The following SAMSN1 variants were observed in gnomAD, a reference collection of about 807,000 sequenced individuals.
SAMSN1 encodes the protein SAM domain-containing protein SAMSN-1.
In SAMSN1, 31 loss-of-function variants were observed where a neutral mutation model predicts 42.0. The ratio of observed to expected loss-of-function variants is 0.74; its 90% CI spans 0.55 to 1.00. The LOEUF is 1.00. Ranked by LOEUF, SAMSN1 falls within the 50% of genes least tolerant of loss-of-function variation. SAMSN1 has a pLI of 0.00. For synonymous variants in SAMSN1, 178 were observed against 151.9 expected, an observed-to-expected ratio of 1.17 and a Z score of -1.26; for missense variants, 464 against 439.4, an observed-to-expected ratio of 1.06 and a Z score of -0.50.
chr21:14,620,438 T>C (rs1353218678), intron 2 of SAMSN1, among the ~76,000 whole-genome samples: 1 of 152,196 alleles, frequency 6.6e-6, no homozygotes, highest in Middle Eastern at 3.2e-3. Flanking sequence ...TGACTGTAAG[T>C]TTCCTGAGGC....
intron 1 of SAMSN1, among the ~76,000 whole-genome samples, chr21:14,537,877 A>G (rs998773537): frequency 6.6e-6 from 1 of 152,216 alleles, no homozygotes; most frequent in African/African-American, 2.4e-5. Flanking sequence ...GCACATGGCT[A>G]ACAAGCTCCT....
chr21:14,650,267 C>T (rs917859735), intron 1 of SAMSN1, among the ~76,000 whole-genome samples: 1 of 152,068 alleles, frequency 6.6e-6, no homozygotes, highest in Non-Finnish European at 1.5e-5. Context: ...GTGGATCATT[C>T]TCAAGAATAC....
At chr21:14,640,156 G>A (rs1983558794) in intron 2 of SAMSN1, among the ~76,000 whole-genome samples, 1 of 152,194 alleles carries the variant, frequency 6.6e-6, no homozygotes, top group Non-Finnish European at 1.5e-5. Flanking sequence ...TCCAAAGGGT[G>A]AAATTCCTAG....
rs74710403 is a variant in SAMSN1, at chr21:14,570,190, G to T, written c.261+11946C>A. Among the ~76,000 whole-genome samples, 786 of 152,184 alleles carry T rather than the reference G, an allele frequency of 5.2e-3. 4 individuals are homozygous for T. Among genetic ancestry groups the T allele is most frequent in the African/African-American group, 0.018 (753 of 41,536 alleles). Reference sequence around the variant, plus strand: ...CAAATCCATTAAATCTCTCCACAGGGAGGAAAAAGTTCCCGCATTCTAGAG... The same window carrying T: ...CAAATCCATTAAATCTCTCCACAGGTAGGAAAAAGTTCCCGCATTCTAGAG... On this transcript the variant is annotated intron_variant, in intron 2 of 8. Transcript: ENST00000285670.
At chr21:14,522,671 A>G (rs557948669) in intron 1 of SAMSN1, among the ~76,000 whole-genome samples, 1 of 152,340 alleles carries the variant, frequency 6.6e-6, no homozygotes, top group East Asian at 1.9e-4. Flanking sequence ...CATCACAAAA[A>G]CATCATCAAA....
At chr21:14,494,814 T>A (rs405792) in intron 7 of SAMSN1, among the ~76,000 whole-genome samples, 51,510 of 152,092 alleles carry the variant, frequency 0.34, 9,692 homozygotes, top group Non-Finnish European at 0.45. Flanking sequence ...TTGCTTTAAA[T>A]CTTAGAAGTC....
chr21:14,508,248 ACAGT>A (rs1987508935), intron 5 of SAMSN1, among the ~76,000 whole-genome samples: 3 of 152,266 alleles, frequency 2.0e-5, no homozygotes, highest in Admixed American at 6.5e-5. Flanking sequence ...GGTAAAAGAA[ACAGT>A]CAGCAGAGCA....
rs531561367 is a variant in SAMSN1 at position 14,497,483 on chromosome 21, C to T, written c.919+959G>A. Among the ~76,000 whole-genome samples the T allele has an allele frequency of 7.2e-5, 11 of 152,190 alleles. No homozygotes were observed. In the South Asian group the frequency reaches 2.1e-3, roughly 29 times the overall value. Reference sequence around the variant, plus strand: ...GGTGGCATGCCTATAATCTCAGCTACTCGGAGGCTGAGGCATGAGAATCGC... The same window carrying T: ...GGTGGCATGCCTATAATCTCAGCTATTCGGAGGCTGAGGCATGAGAATCGC... On this transcript the variant is annotated intron_variant, in intron 7 of 7. Transcript: ENST00000400566.
At chr21:14,550,394 G>C (rs1012220209), upstream of SAMSN1, among the ~76,000 whole-genome samples, 9 of 152,070 alleles carry the variant, frequency 5.9e-5, no homozygotes, top group Admixed American at 1.3e-4. Context: ...CTGGTGACCT[G>C]CTCCAGGAAG....
Position 14,569,408 on chromosome 21 carries a change from TC to T in SAMSN1, c.261+12727del, listed in dbSNP as rs150472364. Among the ~76,000 whole-genome samples, 838 of 152,292 alleles carry T rather than the reference TC, an allele frequency of 5.5e-3. 10 individuals carry two copies. Among genetic ancestry groups the T allele is most frequent in the African/African-American group, 0.019 (801 of 41,568 alleles). On this transcript the variant is annotated intron_variant, in intron 2 of 8. Transcript: ENST00000285670. ...TGGCCGACTGCTGTTTTGGGTTATT[TC>T]CCCATTTTGCTGTTTTGGGTTATTT...
chr21:14,599,245 C>G (rs1234569971), intron 6 of SAMSN1, among the ~76,000 whole-genome samples: 1 of 152,142 alleles, frequency 6.6e-6, no homozygotes, highest in African/African-American at 2.4e-5. Context: ...AGGGCGGGAT[C>G]AGATGGAGGT....
chr21:14,486,867 A>G (rs1277234800), intron 7 of SAMSN1, among the ~76,000 whole-genome samples: 2 of 152,184 alleles, frequency 1.3e-5, no homozygotes. Flanking sequence ...AACAGGCATT[A>G]TCTTTTAGAA....
chr21:14,557,543 T>C (rs1289479957), intron 2 of SAMSN1, among the ~76,000 whole-genome samples: 5 of 152,216 alleles, frequency 3.3e-5, no homozygotes, highest in Admixed American at 6.5e-5. Context: ...TCTTTTTACC[T>C]GGTGTTTTCT....
At chr21:14,514,902 T>C (rs6516844) in intron 3 of SAMSN1, among the ~76,000 whole-genome samples, 7,148 of 152,130 alleles carry the variant, frequency 0.047, 501 homozygotes, top group African/African-American at 0.16. Flanking sequence ...GATATAGTTG[T>C]GAAAAACAAA....
chr21:14,577,283 T>TATATA (rs1568816274), intron 2 of SAMSN1, among the ~76,000 whole-genome samples: 1 of 55,468 alleles, frequency 1.8e-5, no homozygotes, highest in Non-Finnish European at 3.5e-5. Flanking sequence ...TATATATATA[T>TATATA]ATTTTTTTTT....
At chr21:14,570,997 C>T (rs958274234) in intron 2 of SAMSN1, among the ~76,000 whole-genome samples, 13 of 152,124 alleles carry the variant, frequency 8.5e-5, no homozygotes, top group African/African-American at 3.1e-4. Context: ...ATTATGAATT[C>T]TCATTGTCCT....
At chr21:14,508,758 C>A (rs541666736) in intron 5 of SAMSN1, among the ~76,000 whole-genome samples, 1 of 152,168 alleles carries the variant, frequency 6.6e-6, no homozygotes, top group Non-Finnish European at 1.5e-5. Flanking sequence ...CTTGCACACA[C>A]GTTTGTGGCA....
intron 6 of SAMSN1, among the ~76,000 whole-genome samples, chr21:14,596,113 G>T (rs1055512457): frequency 6.6e-6 from 1 of 151,924 alleles, no homozygotes; most frequent in African/African-American, 2.4e-5. Flanking sequence ...TTCTTTAAAC[G>T]TGAAAGTACA....
At chr21:14,596,170 A>T (rs973211278) in intron 6 of SAMSN1, among the ~76,000 whole-genome samples, 3 of 152,178 alleles carry the variant, frequency 2.0e-5, no homozygotes, top group African/African-American at 7.2e-5. Context: ...AGAGAATCCA[A>T]TATGATCTTA....
Sources: gnomAD v4.1 joint callset for allele counts (sites outside exome capture counted in the v4.1 genomes callset) on GRCh38, gnomAD v4.1.1 for gene constraint, MANE v1.5 for transcripts, NCBI Gene and HGNC (gene_info 2026-07-23, HGNC 2026-07-21) for gene names.